Variants in SLC3A1 observed in about 807,000 individuals in gnomAD.
The protein encoded by SLC3A1 is solute carrier family 3 member 1, also known as amino acid transporter heavy chain SLC3A1.
In SLC3A1, 78 loss-of-function variants were observed where a neutral mutation model predicts 60.3. That is an observed-to-expected ratio of 1.29 (90% CI 1.08 to 1.56). The LOEUF is 1.56. SLC3A1 is among the 40% of genes most tolerant of loss of function. SLC3A1 has a pLI of 0.00. For missense variants in SLC3A1, 1,172 were observed against 858.9 expected (o/e 1.36, Z -4.56); for synonymous variants, 392 against 307.9 (o/e 1.27, Z -2.86).
chr2:44,279,349 C>G (rs1055308524), intron 1 of SLC3A1, among the ~76,000 whole-genome samples: 1 of 152,160 alleles, frequency 6.6e-6, no homozygotes, highest in Admixed American at 6.6e-5. Context: ...CCCTCCTTTC[C>G]TTTGCTGTGC....
In SLC3A1 at chr2:44,286,006, G is replaced by A. The variant is rs771019392; in HGVS notation, c.766-26G>A. On this transcript the variant is annotated intron_variant, in intron 3 of 9. Coordinates refer to ENST00000260649, the MANE Select transcript of SLC3A1 (RefSeq NM_000341.4). ...GTGGGCAATACCATTATAGGTCACT[G>A]ATGTGCTGTTTTCTTTGTTTGCCAG... 3 of 1,613,802 alleles carry A rather than the reference G, an allele frequency of 1.9e-6. No homozygotes were observed. The African/African-American group carries it at 4.0e-5, about 22-fold the overall frequency.
At chr2:44,286,963 C>A in intron 4 of SLC3A1, among the ~76,000 whole-genome samples, 1 of 152,160 alleles carries the variant, frequency 6.6e-6, no homozygotes, top group East Asian at 1.9e-4. Context: ...GCTGTCTCAT[C>A]TATGAAACAC....
intron 3 of SLC3A1, among the ~76,000 whole-genome samples, chr2:44,283,776 T>TAA (rs751223388): frequency 7.9e-5 from 12 of 152,190 alleles, no homozygotes; most frequent in Non-Finnish European, 1.8e-4. Flanking sequence ...ATCATATATA[T>TAA]AACCATATAT....
chr2:44,291,454 C>T (rs1383633978), intron 4 of SLC3A1, among the ~76,000 whole-genome samples: 1 of 152,172 alleles, frequency 6.6e-6, no homozygotes, highest in African/African-American at 2.4e-5. Context: ...ATTTACTGGT[C>T]TTCTGGCTGA....
chr2:44,312,456 GTC>G, intron 7 of SLC3A1, 128 bp from the exon 8 acceptor site: 1 of 929,746 alleles, frequency 1.1e-6, no homozygotes, highest in Non-Finnish European at 1.7e-6. Flanking sequence ...TAGGACTCAA[GTC>G]CAGGCTTGCT....
rs143740561 is a variant in SLC3A1 at position 44,320,427 on chromosome 2, G to A, written c.1846G>A (p.Ala616Thr). 1.1e-4 allele frequency: 171 copies of A among 1,614,036 alleles called. 2 individuals carry two copies. In the African/African-American group the frequency reaches 1.9e-3, roughly 17 times the overall value. The stretch of plus-strand genomic sequence containing the variant: ...ACATAATATGATTTCGGGCCTTCCC[G>A]CTAAAATGAGAATAAGGTTAAGTAC... The part of the protein sequence containing the change: ...NLHNMISGLP[A>T]KMRIRLSTNS... The change falls in exon 10 of 10, where the codon GCT (alanine) becomes ACT (threonine). Residue 616 changes from alanine to threonine, a missense_variant. By Grantham distance (58) the Ala-to-Thr change is moderately conservative. Coordinates refer to ENST00000260649, the MANE Select transcript of SLC3A1 (RefSeq NM_000341.4).
chr2:44,312,927 G>A (rs1179653157), intron 8 of SLC3A1, 174 bp downstream of exon 8: 1 of 601,756 alleles, frequency 1.7e-6, no homozygotes, highest in Non-Finnish European at 2.9e-6. Context: ...GGTGGTCTGA[G>A]AGCTTATTTT....
intron 3 of SLC3A1, among the ~76,000 whole-genome samples, chr2:44,284,330 G>A (rs554584041): frequency 3.9e-5 from 6 of 152,130 alleles, no homozygotes; most frequent in African/African-American, 1.2e-4. Context: ...TGCCCACGTC[G>A]GCTTCCCAGA....
chr2:44,297,143 T>C (rs920094892), intron 4 of SLC3A1, among the ~76,000 whole-genome samples: 11 of 152,210 alleles, frequency 7.2e-5, no homozygotes, highest in Admixed American at 3.9e-4. Context: ...GAAAATTGGC[T>C]GTTTAGTACT....
intron 4 of SLC3A1, among the ~76,000 whole-genome samples, chr2:44,296,904 A>T (rs969125717): frequency 6.6e-6 from 1 of 152,084 alleles, no homozygotes; most frequent in Non-Finnish European, 1.5e-5. Flanking sequence ...CTTCTGCACA[A>T]ACTCTCTCGC....
intron 8 of SLC3A1, among the ~76,000 whole-genome samples, chr2:44,313,199 T>C (rs890921665): frequency 6.6e-6 from 1 of 152,116 alleles, no homozygotes; most frequent in Non-Finnish European, 1.5e-5. Context: ...ACAAGGACCC[T>C]TTTCTTTTCT....
chr2:44,321,263 C>T lies in SLC3A1; in HGVS notation c.*624C>T. 9.2e-7 allele frequency: 1 copy of T among 1,086,516 alleles called. No individual in the cohort carries two copies. The highest frequency in any genetic ancestry group is 1.3e-6 in the Non-Finnish European group (1 of 749,538). The allele number at this position is 1,086,516 out of a possible 1,614,324, so 67.3% of individuals were successfully genotyped here. On this transcript the variant is annotated 3_prime_UTR_variant, in exon 10 of 10. Coordinates refer to ENST00000260649, the MANE Select transcript of SLC3A1 (RefSeq NM_000341.4). ...TTTAAAAAATTAATAACTTAAAAGT[C>T]TCAAGTTATTAATTTTTTTTTTGCT...
At chr2:44,302,540 G>C (rs767328696) in intron 6 of SLC3A1, among the ~76,000 whole-genome samples, 42 of 152,206 alleles carry the variant, frequency 2.8e-4, no homozygotes, top group Non-Finnish European at 5.4e-4. Flanking sequence ...GCAGCTATGG[G>C]ATTTGAACTG....
intron 7 of SLC3A1, among the ~76,000 whole-genome samples, chr2:44,304,932 C>T (rs1208380884): frequency 2.0e-5 from 3 of 150,952 alleles, no homozygotes; most frequent in Non-Finnish European, 2.9e-5. Flanking sequence ...AGCAATCCTC[C>T]CACCTCAGCC....
At chr2:44,297,555 C>T (rs1195654318) in intron 4 of SLC3A1, among the ~76,000 whole-genome samples, 1 of 152,222 alleles carries the variant, frequency 6.6e-6, no homozygotes, top group Non-Finnish European at 1.5e-5. Flanking sequence ...GCAGAGGTGT[C>T]TCCTCTCATG....
At chr2:44,291,838 C>T (rs543177862) in intron 4 of SLC3A1, among the ~76,000 whole-genome samples, 8 of 152,122 alleles carry the variant, frequency 5.3e-5, no homozygotes, top group Non-Finnish European at 1.0e-4. Context: ...AGCTGGCATG[C>T]TGGGGAAATC....
chr2:44,275,618 A>C lies in SLC3A1; in HGVS notation c.83A>C (p.Glu28Ala). The C allele has an allele frequency of 6.2e-7, 1 of 1,613,960 alleles. No homozygotes were observed. Among genetic ancestry groups the C allele is most frequent in the African/African-American group, 1.3e-5 (1 of 75,056 alleles). ...CQTNNGFVHNEDILEQTPDPG... is the reference protein window; with the variant it reads ...CQTNNGFVHNADILEQTPDPG... ...ACAAACAACGGGTTTGTCCATAATG[A>C]AGACATTCTGGAGCAGACCCCGGAT... is the stretch of plus-strand genomic sequence containing the variant. Residue 28 changes from glutamate to alanine, a missense_variant, in exon 1 of 10, where the codon GAA (glutamate) becomes GCA (alanine). Physicochemically the swap from Glu to Ala is moderately radical, Grantham distance 107. Transcript: ENST00000260649.
chr2:44,304,372 C>A, intron 7 of SLC3A1, 34 bp downstream of exon 7: 1 of 1,523,050 alleles, frequency 6.6e-7, no homozygotes, highest in Non-Finnish European at 9.1e-7. Context: ...ACATAATGTG[C>A]TGCTGTTGCC....
chr2:44,299,355 ATC>A (rs1424294253), intron 4 of SLC3A1, among the ~76,000 whole-genome samples: 1 of 152,268 alleles, frequency 6.6e-6, no homozygotes, highest in East Asian at 1.9e-4. Flanking sequence ...ATCTTTTATT[ATC>A]TGAGTGTATT....
Sources: allele counts gnomAD v4.1 joint callset (sites outside exome capture counted in the v4.1 genomes callset), GRCh38; gene constraint gnomAD v4.1.1; transcripts MANE v1.5; gene names NCBI Gene and HGNC (gene_info 2026-07-23, HGNC 2026-07-21).